TRPM6: variants seen among roughly 807,000 people sequenced by gnomAD.
TRPM6 encodes channel kinase 2.
In TRPM6, 111 loss-of-function variants were observed where a neutral mutation model predicts 247.6. The ratio of observed to expected loss-of-function variants is 0.45; its 90% CI spans 0.38 to 0.52. The LOEUF (loss-of-function observed/expected upper bound fraction) is 0.52. TRPM6 is among the 20% of genes least tolerant of loss of function. TRPM6 has a pLI of 0.00. For missense variants in TRPM6, 2,126 were observed against 2,421.5 expected, an observed-to-expected ratio of 0.88 and a Z score of 2.56; for synonymous variants, 892 against 853.8, an observed-to-expected ratio of 1.04 and a Z score of -0.78.
intron 21 of TRPM6, among the ~76,000 whole-genome samples, chr9:74,785,648 G>A (rs1827623826): frequency 6.6e-6 from 1 of 152,002 alleles, no homozygotes; most frequent in Non-Finnish European, 1.5e-5. Context: ...TCAGCCTCCT[G>A]AGTAGCTGGG....
At chr9:74,833,872 G>T (rs963564972) in intron 6 of TRPM6, 126 bp downstream of exon 6, 11 of 1,304,568 alleles carry the variant, frequency 8.4e-6, no homozygotes, top group Non-Finnish European at 6.5e-6. Context: ...GCAGCAGAAA[G>T]TCAGGAGTTG....
intron 18 of TRPM6, among the ~76,000 whole-genome samples, chr9:74,796,133 A>C (rs1460968275): frequency 6.6e-6 from 1 of 152,230 alleles, no homozygotes; most frequent in African/African-American, 2.4e-5. Context: ...CATGCCTAGA[A>C]AATTCTAAAA....
chr9:74,881,212 T>C (rs1564065228), intron 1 of TRPM6, among the ~76,000 whole-genome samples: 3 of 151,812 alleles, frequency 2.0e-5, no homozygotes, highest in Admixed American at 1.3e-4. Context: ...AAGACAGATA[T>C]AGACTGAAAG....
chr9:74,841,396 T>C (rs1257804040), intron 4 of TRPM6, among the ~76,000 whole-genome samples: 2 of 152,128 alleles, frequency 1.3e-5, no homozygotes, highest in East Asian at 1.9e-4. Flanking sequence ...CCATGAATTA[T>C]GAAACAAAAC....
rs764625490 is a variant in TRPM6 at position 74,747,920 on chromosome 9, T to G, written c.5058-6A>C. ...CTCCAATTGAACTTTTCAGCCTGTT[T>G]GAAAAAAAAATGAAGTTGTTTAGAT... is the stretch of plus-strand genomic sequence containing the variant. On this transcript the variant is annotated splice_region_variant and splice_polypyrimidine_tract_variant and intron_variant, in intron 30 of 38. Coordinates refer to ENST00000360774, the MANE Select transcript of TRPM6 (RefSeq NM_017662.5). 6.2e-7 allele frequency: 1 copy of G among 1,611,360 alleles called. No individual in the cohort carries two copies. Among genetic ancestry groups the G allele is most frequent in the South Asian group, 1.1e-5 (1 of 90,674 alleles).
chr9:74,787,969 C>T (rs1207270705), intron 20 of TRPM6, among the ~76,000 whole-genome samples: 1 of 152,166 alleles, frequency 6.6e-6, no homozygotes, highest in Non-Finnish European at 1.5e-5. Flanking sequence ...CCTGCCTCGG[C>T]CTCCCAAAGT....
Position 74,821,767 on chromosome 9 carries a change from CCA to C in TRPM6, c.910_911del (p.Trp304GlyfsTer13). ...EGGPNVILSV[W>X]ETVKDKDPVV... The stretch of plus-strand genomic sequence containing the variant: ...CTGGGTCCTTGTCCTTGACAGTCTC[CCA>C]CACTGACAGGATGACGTTGGGACCG... On this transcript the variant is annotated frameshift_variant, in exon 8 of 39. Transcript: ENST00000360774. LOFTEE classifies it high-confidence loss of function. 6.2e-7 allele frequency: 1 copy of C among 1,614,186 alleles called. No homozygotes were observed. Among genetic ancestry groups the C allele is most frequent in the Non-Finnish European group, 8.5e-7 (1 of 1,180,042 alleles).
At chr9:74,865,985 A>C (rs2118420349) in intron 1 of TRPM6, among the ~76,000 whole-genome samples, 1 of 152,282 alleles carries the variant, frequency 6.6e-6, no homozygotes, top group Middle Eastern at 3.4e-3. Context: ...CCAACCTCTC[A>C]GACAATAAAG....
At chr9:74,757,128 A>C (rs1005545323) in intron 27 of TRPM6, among the ~76,000 whole-genome samples, 1 of 151,374 alleles carries the variant, frequency 6.6e-6, no homozygotes. Flanking sequence ...CAGTGAGCCA[A>C]CATGGTGCCA....
intron 5 of TRPM6, among the ~76,000 whole-genome samples, chr9:74,835,257 C>A (rs1218998720): frequency 6.6e-6 from 1 of 152,152 alleles, no homozygotes; most frequent in Non-Finnish European, 1.5e-5. Context: ...TGTTCATATC[C>A]TTTGCCCACT....
At chr9:74,836,771 A>T (rs1252588131) in intron 5 of TRPM6, among the ~76,000 whole-genome samples, 1 of 151,756 alleles carries the variant, frequency 6.6e-6, no homozygotes, top group Admixed American at 6.6e-5. Context: ...CATGGCACAC[A>T]CTCCAGCCAG....
chr9:74,828,846 T>C (rs1410670750), intron 6 of TRPM6, among the ~76,000 whole-genome samples: 2 of 152,000 alleles, frequency 1.3e-5, no homozygotes, highest in Non-Finnish European at 2.9e-5. Context: ...TTCGTTTTCA[T>C]TTCTGTGCTT....
At chr9:74,821,059 A>G (rs1829115102) in intron 8 of TRPM6, among the ~76,000 whole-genome samples, 1 of 152,236 alleles carries the variant, frequency 6.6e-6, no homozygotes, top group African/African-American at 2.4e-5. Flanking sequence ...TAAGCAGCAA[A>G]TAACTGTTTA....
intron 5 of TRPM6, among the ~76,000 whole-genome samples, chr9:74,837,768 T>A (rs1329512089): frequency 2.1e-5 from 2 of 97,118 alleles, no homozygotes; most frequent in African/African-American, 8.4e-5. Context: ...TTTTTTTTTT[T>A]AAGACAGGGT....
intron 1 of TRPM6, among the ~76,000 whole-genome samples, chr9:74,874,942 T>G (rs1274440571): frequency 2.0e-5 from 3 of 151,028 alleles, no homozygotes; most frequent in Middle Eastern, 3.2e-3. Flanking sequence ...TTTTTGCTAC[T>G]TTTAGTAGAG....
In TRPM6 at chr9:74,752,379, G is replaced by C. The variant is rs996254595; in HGVS notation, c.4907-11C>G. The C allele has an allele frequency of 1.4e-6, 2 of 1,434,844 alleles. No homozygotes were observed. Among genetic ancestry groups the C allele is most frequent in the African/African-American group, 1.4e-5 (1 of 71,486 alleles). 88.9% of individuals were successfully genotyped at this position (1,434,844 alleles called of 1,614,324 possible). A position where few individuals can be genotyped will look rare whatever the true frequency, so the allele number is the denominator to read the frequency against. On this transcript the variant is annotated splice_polypyrimidine_tract_variant and intron_variant, in intron 28 of 38. Transcript: ENST00000360774. ...TGTAAGGTTCTACACCTTGTAAAGA[G>C]GAAGAGAAAGATTAGAAAATACATG...
chr9:74,861,986 A>C (rs1830702066), intron 1 of TRPM6, among the ~76,000 whole-genome samples: 2 of 151,280 alleles, frequency 1.3e-5, no homozygotes, highest in Admixed American at 1.3e-4. Context: ...AACTTCAGGA[A>C]CCCATGTATA....
chr9:74,830,755 T>TG (rs1564034456), intron 6 of TRPM6, among the ~76,000 whole-genome samples: 17 of 85,498 alleles, frequency 2.0e-4, no homozygotes, highest in African/African-American at 5.8e-4. Context: ...TTTTGTTTTT[T>TG]TTTTTTTTTT....
chr9:74,779,497 G>T (rs527697318), intron 23 of TRPM6, among the ~76,000 whole-genome samples: 1 of 152,174 alleles, frequency 6.6e-6, no homozygotes, highest in East Asian at 1.9e-4. Flanking sequence ...TTACTTTGCT[G>T]ACTCTCAACC....
Sources: gnomAD v4.1 joint callset for allele counts (sites outside exome capture counted in the v4.1 genomes callset) on GRCh38, gnomAD v4.1.1 for gene constraint, MANE v1.5 for transcripts, NCBI Gene and HGNC (gene_info 2026-07-23, HGNC 2026-07-21) for gene names.